Variants in PRICKLE1 observed in about 807,000 individuals in gnomAD.
PRICKLE1 encodes prickle planar cell polarity protein 1.
A neutral mutation model predicts 70.2 loss-of-function variants in PRICKLE1; 14 were observed. The ratio of observed to expected loss-of-function variants is 0.20; its 90% CI spans 0.13 to 0.31. PRICKLE1 has a LOEUF of 0.31. PRICKLE1 is among the 10% of genes least tolerant of loss of function. PRICKLE1 has a pLI of 1.00. For synonymous variants in PRICKLE1, 357 were observed against 379.9 expected, an observed-to-expected ratio of 0.94 and a Z score of 0.70; for missense variants, 821 against 1,026.2, an observed-to-expected ratio of 0.80 and a Z score of 2.73.
chr12:42,538,939 G>C (rs1940060703), intron 1 of PRICKLE1, among the ~76,000 whole-genome samples: 1 of 152,156 alleles, frequency 6.6e-6, no homozygotes, highest in Admixed American at 6.5e-5. Flanking sequence ...AAGTTAGAGA[G>C]TGGTAGCTAT....
intron 1 of PRICKLE1, among the ~76,000 whole-genome samples, chr12:42,479,852 G>A (rs570690827): frequency 6.6e-6 from 1 of 152,212 alleles, no homozygotes; most frequent in African/African-American, 2.4e-5. Context: ...TACTTGGGAG[G>A]CTGAGGCAGG....
chr12:42,535,035 C>G (rs1939994147), intron 1 of PRICKLE1, among the ~76,000 whole-genome samples: 4 of 152,154 alleles, frequency 2.6e-5, no homozygotes, highest in Admixed American at 2.6e-4. Context: ...CAGAACCCAC[C>G]CTCGGGTTTA....
At chr12:42,487,431 GT>G in intron 1 of PRICKLE1, among the ~76,000 whole-genome samples, 1 of 152,248 alleles carries the variant, frequency 6.6e-6, no homozygotes, top group East Asian at 1.9e-4. Flanking sequence ...TTAAAGCAAT[GT>G]GATTAGAGAG....
chr12:42,579,087 T>C (rs1940855232), intron 1 of PRICKLE1, among the ~76,000 whole-genome samples: 1 of 152,036 alleles, frequency 6.6e-6, no homozygotes, highest in South Asian at 2.1e-4. Context: ...TATACAACAT[T>C]AAAATGGCAG....
chr12:42,522,100 C>T (rs571888905), intron 1 of PRICKLE1, among the ~76,000 whole-genome samples: 3 of 151,988 alleles, frequency 2.0e-5, no homozygotes, highest in East Asian at 3.9e-4. Context: ...CTCAACCTCC[C>T]GAGTAGCTGG....
At chr12:42,497,498 A>G (rs2600923) in intron 1 of PRICKLE1, among the ~76,000 whole-genome samples, 138,931 of 149,202 alleles carry the variant, frequency 0.93, 64,752 homozygotes, top group East Asian at 1. Context: ...GCGGTGAGCC[A>G]AGATCGTGCC....
intron 1 of PRICKLE1, among the ~76,000 whole-genome samples, chr12:42,491,994 C>A (rs568121211): frequency 1.6e-3 from 246 of 151,934 alleles, no homozygotes; most frequent in Non-Finnish European, 3.0e-3. Context: ...CTATATTGGT[C>A]AGGCTGGTCT....
intron 1 of PRICKLE1, among the ~76,000 whole-genome samples, chr12:42,562,990 C>G (rs1393493986): frequency 1.3e-5 from 2 of 151,974 alleles, no homozygotes; most frequent in African/African-American, 2.4e-5. Context: ...CGAGACCAGC[C>G]TGGCCCACAT....
chr12:42,549,534 C>T (rs191324969), intron 1 of PRICKLE1, among the ~76,000 whole-genome samples: 9 of 152,292 alleles, frequency 5.9e-5, no homozygotes, highest in East Asian at 1.9e-4. Flanking sequence ...ATCTCCACCT[C>T]GATGACTCAA....
At chr12:42,492,261 C>T (rs1939120875) in intron 1 of PRICKLE1, among the ~76,000 whole-genome samples, 1 of 152,080 alleles carries the variant, frequency 6.6e-6, no homozygotes. Flanking sequence ...GGCACTACAC[C>T]CAGCTAAATT....
intron 1 of PRICKLE1, among the ~76,000 whole-genome samples, chr12:42,492,075 C>T (rs147171619): frequency 9.6e-4 from 146 of 151,392 alleles, no homozygotes; most frequent in African/African-American, 2.9e-3. Flanking sequence ...TGACCCACCG[C>T]GCCTGGCCTG....
intron 1 of PRICKLE1, among the ~76,000 whole-genome samples, chr12:42,543,093 C>T (rs1050244885): frequency 7.2e-5 from 11 of 152,306 alleles, no homozygotes; most frequent in South Asian, 2.1e-4. Flanking sequence ...CCAAATTTGC[C>T]AGTGCCCTGA....
intron 4 of PRICKLE1, 83 bp downstream of exon 4, chr12:42,469,367 T>C (rs1483753144): frequency 6.5e-7 from 1 of 1,545,268 alleles, no homozygotes; most frequent in Non-Finnish European, 8.9e-7. Flanking sequence ...CCCACACCTC[T>C]GCTAGTCCAG....
intron 1 of PRICKLE1, among the ~76,000 whole-genome samples, chr12:42,507,590 C>T (rs1474880386): frequency 6.6e-6 from 1 of 152,050 alleles, no homozygotes; most frequent in African/African-American, 2.4e-5. Flanking sequence ...TATGGAAGAA[C>T]TTTTTTTTGA....
At chr12:42,576,019 A>C (rs531024397) in intron 1 of PRICKLE1, among the ~76,000 whole-genome samples, 1 of 152,246 alleles carries the variant, frequency 6.6e-6, no homozygotes, top group South Asian at 2.1e-4. Flanking sequence ...TCCCTTACAA[A>C]ACACTGCACT....
intron 1 of PRICKLE1, among the ~76,000 whole-genome samples, chr12:42,585,749 A>G (rs1940976649): frequency 6.6e-6 from 1 of 152,156 alleles, no homozygotes; most frequent in Admixed American, 6.5e-5. Context: ...CTGCTCCAAA[A>G]TGTTCATTCA....
intron 1 of PRICKLE1, among the ~76,000 whole-genome samples, chr12:42,583,338 G>C (rs1456204110): frequency 1.3e-5 from 2 of 152,104 alleles, no homozygotes; most frequent in Non-Finnish European, 2.9e-5. Flanking sequence ...TGTTCAGCTG[G>C]TAAAATAACA....
intron 1 of PRICKLE1, among the ~76,000 whole-genome samples, chr12:42,491,049 A>G (rs576447321): frequency 7.3e-5 from 11 of 150,600 alleles, no homozygotes; most frequent in Non-Finnish European, 1.5e-4. Flanking sequence ...TACTTTTTCT[A>G]TCTTTAGGAA....
intron 1 of PRICKLE1, among the ~76,000 whole-genome samples, chr12:42,566,219 G>T (rs1296977269): frequency 6.6e-6 from 1 of 152,180 alleles, no homozygotes; most frequent in East Asian, 1.9e-4. Context: ...AGAATGGAGG[G>T]AAGGGGGAAG....
Sources: gnomAD v4.1 joint callset for allele counts (sites outside exome capture counted in the v4.1 genomes callset) on GRCh38, gnomAD v4.1.1 for gene constraint, MANE v1.5 for transcripts, NCBI Gene and HGNC (gene_info 2026-07-23, HGNC 2026-07-21) for gene names.